TMPRSS11F: variants seen among roughly 807,000 people sequenced by gnomAD.
The protein encoded by TMPRSS11F is transmembrane protease serine 11F.
TMPRSS11F carries 47 observed loss-of-function variants against 60.2 expected under a neutral mutation model. That is an observed-to-expected ratio of 0.78 (90% CI 0.62 to 1.00). The LOEUF (loss-of-function observed/expected upper bound fraction) is 1.00. Among genes scored for constraint, TMPRSS11F ranks in the 50% least tolerant of loss-of-function variants. TMPRSS11F has a pLI of 0.00. For synonymous variants in TMPRSS11F, 166 were observed against 167.3 expected (o/e 0.99, Z 0.06); for missense variants, 519 against 522.9 (o/e 0.99, Z 0.07).
intron 2 of TMPRSS11F, among the ~76,000 whole-genome samples, chr4:68,095,077 T>C (rs1724043866): frequency 1.3e-5 from 2 of 151,890 alleles, no homozygotes; most frequent in Admixed American, 1.3e-4. Context: ...GTAGTGAATG[T>C]TATTTTATTC....
chr4:68,062,246 T>A (rs1723198373), intron 8 of TMPRSS11F: 99 of 414,718 alleles, frequency 2.4e-4, no homozygotes, highest in South Asian at 1.7e-3. Context: ...TTACCGGCTC[T>A]TTTGCTAAAT....
At chr4:68,119,733 T>C (rs529761497) in intron 1 of TMPRSS11F, among the ~76,000 whole-genome samples, 1 of 152,316 alleles carries the variant, frequency 6.6e-6, no homozygotes, top group African/African-American at 2.4e-5. Context: ...GCATATCGGG[T>C]CACCCCAGAG....
Position 68,053,935 on chromosome 4 carries a change from A to G in TMPRSS11F, c.1291T>C (p.Trp431Arg). The G allele has an allele frequency of 1.2e-6, 2 of 1,613,540 alleles. No homozygotes were observed. Among genetic ancestry groups the G allele is most frequent in the Non-Finnish European group, 8.5e-7 (1 of 1,179,558 alleles). Residue 431 changes from tryptophan to arginine, a missense_variant, in exon 10 of 10, where the codon TGG becomes CGG. Physicochemically the swap from Trp to Arg is moderately radical, Grantham distance 101. Transcript: ENST00000356291. ...TACATACCAGTCTTTGAGGCAATCCAATCTCGATACTTAGTTACTCTGGTG... is the reference window on the plus strand; with the variant it reads ...TACATACCAGTCTTTGAGGCAATCCGATCTCGATACTTAGTTACTCTGGTG... ...VYTRVTKYRD[W>R]IASKTGM is the part of the protein sequence containing the mutation.
chr4:68,118,424 C>T (rs184994764), intron 1 of TMPRSS11F, among the ~76,000 whole-genome samples: 5 of 152,116 alleles, frequency 3.3e-5, no homozygotes, highest in Admixed American at 6.5e-5. Context: ...TTGTATTACA[C>T]GTATACAAAA....
chr4:68,061,228 C>T (rs1020806562), intron 8 of TMPRSS11F, among the ~76,000 whole-genome samples: 5 of 152,016 alleles, frequency 3.3e-5, no homozygotes, highest in Non-Finnish European at 5.9e-5. Flanking sequence ...TTACATACTT[C>T]GGAGGAAATA....
intron 1 of TMPRSS11F, among the ~76,000 whole-genome samples, chr4:68,112,249 C>T (rs760512830): frequency 6.6e-6 from 1 of 152,122 alleles, no homozygotes; most frequent in Admixed American, 6.6e-5. Context: ...AACATGCCCC[C>T]ACACTTAACT....
intron 1 of TMPRSS11F, among the ~76,000 whole-genome samples, chr4:68,116,729 A>G (rs531365787): frequency 1.3e-5 from 2 of 152,332 alleles, no homozygotes; most frequent in South Asian, 4.1e-4. Context: ...GGTACCAAGA[A>G]TACACAATGT....
intron 8 of TMPRSS11F, chr4:68,061,971 A>G (rs551671485): frequency 6.6e-6 from 3 of 452,542 alleles, no homozygotes; most frequent in Admixed American, 2.4e-5. Context: ...TTAGTGCTAT[A>G]GAGAGGAACT....
chr4:68,094,948 T>A (rs1329111978), intron 2 of TMPRSS11F, among the ~76,000 whole-genome samples: 1 of 152,060 alleles, frequency 6.6e-6, no homozygotes. Context: ...GTTGAAAATA[T>A]AATTTACTAT....
intron 6 of TMPRSS11F, 79 bp from the exon 7 acceptor site, chr4:68,068,898 A>C: frequency 6.9e-7 from 1 of 1,454,528 alleles, no homozygotes; most frequent in Non-Finnish European, 9.6e-7. Flanking sequence ...GGTTATAGAC[A>C]ATCCTTTGTC....
chr4:68,094,890 T>C (rs996938784), intron 2 of TMPRSS11F, among the ~76,000 whole-genome samples: 1 of 152,014 alleles, frequency 6.6e-6, no homozygotes, highest in Non-Finnish European at 1.5e-5. Context: ...GGTATAACAA[T>C]TGATTCTTAA....
chr4:68,075,605 A>T (rs1207073295), intron 3 of TMPRSS11F, among the ~76,000 whole-genome samples: 1 of 152,164 alleles, frequency 6.6e-6, no homozygotes, highest in Admixed American at 6.5e-5. Context: ...CAGTGACAAG[A>T]TTAAGCACAT....
At chr4:68,087,234 A>G (rs576459089) in intron 3 of TMPRSS11F, among the ~76,000 whole-genome samples, 6 of 152,320 alleles carry the variant, frequency 3.9e-5, no homozygotes, top group Non-Finnish European at 8.8e-5. Flanking sequence ...AATAAATGTG[A>G]TTCACCATAT....
At chr4:68,062,127 G>A (rs1405187473) in intron 8 of TMPRSS11F, 5 of 445,248 alleles carry the variant, frequency 1.1e-5, no homozygotes, top group Admixed American at 4.9e-5. Flanking sequence ...CAAACACCAG[G>A]GACTGGCCAA....
intron 3 of TMPRSS11F, 35 bp downstream of exon 3, chr4:68,090,488 C>T (rs549070724): frequency 1.2e-5 from 19 of 1,551,200 alleles, no homozygotes; most frequent in Non-Finnish European, 1.3e-5. Context: ...GCAAAAGACA[C>T]ATTAATAAAC....
chr4:68,092,182 T>TA (rs1164992301), intron 2 of TMPRSS11F, among the ~76,000 whole-genome samples: 4 of 150,120 alleles, frequency 2.7e-5, no homozygotes, highest in African/African-American at 7.3e-5. Flanking sequence ...TTTTAAATGT[T>TA]AAAAACAAAC....
intron 7 of TMPRSS11F, 126 bp from the exon 8 acceptor site, chr4:68,065,070 A>T (rs1560393700): frequency 1.1e-6 from 1 of 921,382 alleles, no homozygotes; most frequent in East Asian, 2.7e-5. Context: ...GAAAGTTTGT[A>T]GTTGATAACA....
chr4:68,063,695 C>T (rs550443364), intron 8 of TMPRSS11F, among the ~76,000 whole-genome samples: 1 of 151,898 alleles, frequency 6.6e-6, no homozygotes, highest in Non-Finnish European at 1.5e-5. Context: ...TTCTCTTTAA[C>T]GTAGAGTGAA....
intron 8 of TMPRSS11F, chr4:68,062,808 T>G (rs771413124): frequency 1.3e-6 from 1 of 753,270 alleles, no homozygotes; most frequent in South Asian, 1.3e-5. Context: ...CATTTGGACA[T>G]CTCTTGATCC....
Sources: allele counts gnomAD v4.1 joint callset (sites outside exome capture counted in the v4.1 genomes callset), GRCh38; gene constraint gnomAD v4.1.1; transcripts MANE v1.5; gene names NCBI Gene and HGNC (gene_info 2026-07-23, HGNC 2026-07-21).